The following CHODL variants were observed in gnomAD, a reference collection of about 807,000 sequenced individuals.
CHODL encodes the protein chondrolectin.
CHODL carries 29 observed loss-of-function variants against 34.5 expected under a neutral mutation model. The observed-to-expected ratio is 0.84, with a 90% confidence interval of 0.63 to 1.15. CHODL has a LOEUF of 1.15. Among genes scored for constraint, CHODL ranks in the 50% most tolerant of loss-of-function variants. CHODL has a pLI of 0.00. For synonymous variants in CHODL, 125 were observed against 116.1 expected (o/e 1.08, Z -0.49); for missense variants, 332 against 332.5 (o/e 1.00, Z 0.01).
chr21:18,013,771 A>G (rs1330443478), intron 1 of CHODL, among the ~76,000 whole-genome samples: 1 of 150,954 alleles, frequency 6.6e-6, no homozygotes, highest in Non-Finnish European at 1.5e-5. Context: ...AGTAGCTGGG[A>G]CTACAGGCGT....
At chr21:18,003,306 C>T (rs936981671) in intron 1 of CHODL, among the ~76,000 whole-genome samples, 4 of 151,312 alleles carry the variant, frequency 2.6e-5, no homozygotes, top group African/African-American at 4.8e-5. Flanking sequence ...TAGTAAAAAA[C>T]CTTTTCACTT....
chr21:17,950,536 T>C (rs201214707), intron 1 of CHODL, among the ~76,000 whole-genome samples: 11 of 35,718 alleles, frequency 3.1e-4, no homozygotes, highest in East Asian at 8.4e-4. Flanking sequence ...ACACACACAC[T>C]TCTTTAAAGC....
intron 2 of CHODL, chr21:18,114,735 A>G (rs2065392108): frequency 6.6e-6 from 1 of 152,246 alleles, no homozygotes. Context: ...CACGGCCGGC[A>G]TAAAAAACTT....
At chr21:17,920,924 A>G (rs1305901510) in intron 1 of CHODL, among the ~76,000 whole-genome samples, 6 of 152,182 alleles carry the variant, frequency 3.9e-5, no homozygotes, top group Non-Finnish European at 5.9e-5. Flanking sequence ...CCTATTTTAG[A>G]AAGTTTTGCT....
At chr21:18,074,754 G>A (rs1481608420) in intron 2 of CHODL, among the ~76,000 whole-genome samples, 1 of 152,120 alleles carries the variant, frequency 6.6e-6, no homozygotes, top group East Asian at 1.9e-4. Context: ...GGAAAGACTA[G>A]AATATGGAAG....
At chr21:18,231,840 C>T (rs937675673) in intron 2 of CHODL, among the ~76,000 whole-genome samples, 2 of 151,200 alleles carry the variant, frequency 1.3e-5, no homozygotes, top group East Asian at 2.0e-4. Flanking sequence ...TCCCAAGCCA[C>T]GGCACAGTAA....
At chr21:17,944,054 T>C (rs1350723183) in intron 1 of CHODL, among the ~76,000 whole-genome samples, 1 of 151,956 alleles carries the variant, frequency 6.6e-6, no homozygotes, top group African/African-American at 2.4e-5. Context: ...AGAAGGATGA[T>C]GGAAATCATA....
rs1177005708 is a variant in CHODL, at chr21:18,171,198, G to GTTTTTTTTTTTT, written c.-44-85303_-44-85292dup. 7.3e-4 allele frequency among the ~76,000 whole-genome samples: 27 copies of GTTTTTTTTTTTT among 37,050 alleles called. 11 individuals carry two copies. The highest frequency in any genetic ancestry group is 7.1e-4 in the Non-Finnish European group (18 of 25,222). 24.3% of individuals were successfully genotyped at this position (37,050 alleles called of 152,430 possible). On this transcript the variant is annotated intron_variant, in intron 2 of 6. Coordinates refer to the CHODL transcript ENST00000400127. The stretch of plus-strand genomic sequence containing the variant: ...TGTTCTTCAGACATGGTTTTCTTTA[G>GTTTTTTTTTTTT]TTTTTTTTTTTTTTTTTTTGAGACG...
At chr21:17,932,566 T>C (rs1424970532) in intron 1 of CHODL, among the ~76,000 whole-genome samples, 1 of 151,006 alleles carries the variant, frequency 6.6e-6, no homozygotes, top group African/African-American at 2.4e-5. Flanking sequence ...TAAGTGTCCA[T>C]CAATGAATGA....
chr21:18,149,313 C>T lies in CHODL; in HGVS notation c.-44-107196C>T, dbSNP rs1003573646. ...CACACACACACTCCTGATGCCTAAT[C>T]GCTGTTTCTCCATGAGATGAAAGCG... On this transcript the variant is annotated intron_variant, in intron 2 of 6. Transcript: ENST00000400127. Among the ~76,000 whole-genome samples, 9 of 152,174 alleles carry T rather than the reference C, an allele frequency of 5.9e-5. 1 individual carries two copies. The highest frequency in any genetic ancestry group is 4.1e-4 in the South Asian group (2 of 4,834).
chr21:18,261,874 G>A (rs572058913), intron 4 of CHODL, among the ~76,000 whole-genome samples: 11 of 151,896 alleles, frequency 7.2e-5, no homozygotes, highest in African/African-American at 2.4e-4. Flanking sequence ...TCTTTGTGCC[G>A]CTGGAGTCTC....
intron 1 of CHODL, among the ~76,000 whole-genome samples, chr21:17,992,167 T>C (rs2063802408): frequency 6.6e-6 from 1 of 152,328 alleles, no homozygotes. Flanking sequence ...TTCTCTATTA[T>C]TTTCCATTGG....
chr21:18,228,085 A>T (rs1406663129), intron 2 of CHODL, among the ~76,000 whole-genome samples: 1 of 152,154 alleles, frequency 6.6e-6, no homozygotes, highest in Admixed American at 6.6e-5. Flanking sequence ...ACTGTTTTTA[A>T]AAACTATTGA....
intron 5 of CHODL, among the ~76,000 whole-genome samples, chr21:18,265,257 A>ATG (rs1376310211): frequency 7.4e-6 from 1 of 136,052 alleles, no homozygotes; most frequent in Non-Finnish European, 1.5e-5. Flanking sequence ...GTGTATATAT[A>ATG]TGTGTATATA....
At chr21:18,245,342 A>T in intron 1 of CHODL, 40 bp downstream of exon 1, 1 of 1,465,562 alleles carries the variant, frequency 6.8e-7, no homozygotes, top group Non-Finnish European at 9.0e-7. Context: ...GAGCGGGGAG[A>T]GGGGACCACG....
chr21:18,016,481 TG>T (rs1292200423), intron 1 of CHODL, among the ~76,000 whole-genome samples: 6 of 152,198 alleles, frequency 3.9e-5, no homozygotes, highest in African/African-American at 1.4e-4. Flanking sequence ...AATGGTTTCA[TG>T]GGCCAGGACC....
intron 2 of CHODL, among the ~76,000 whole-genome samples, chr21:18,092,489 G>C (rs1490871619): frequency 6.6e-6 from 1 of 152,114 alleles, no homozygotes. Context: ...TCTAAATAAG[G>C]CACCAGGGAC....
In CHODL at chr21:18,234,230, T is replaced by C. The variant is rs147684150; in HGVS notation, c.-44-22279T>C. 5.5e-3 allele frequency among the ~76,000 whole-genome samples: 843 copies of C among 152,202 alleles called. 6 individuals are homozygous for C. Among genetic ancestry groups the C allele is most frequent in the African/African-American group, 0.019 (801 of 41,532 alleles). On this transcript the variant is annotated intron_variant, in intron 2 of 6. Transcript: ENST00000400127. Reference sequence around the variant, plus strand: ...GAGTCCCCTCTGTGAGCGGAAGTGATGTTTGCCGGATGAATGTAGCCTATT... The same window carrying C: ...GAGTCCCCTCTGTGAGCGGAAGTGACGTTTGCCGGATGAATGTAGCCTATT...
At chr21:18,221,530 G>T (rs1295145037) in intron 2 of CHODL, among the ~76,000 whole-genome samples, 1 of 152,104 alleles carries the variant, frequency 6.6e-6, no homozygotes, top group Non-Finnish European at 1.5e-5. Context: ...TTATGGAGTG[G>T]GTTCTGTAGA....
Sources: allele counts gnomAD v4.1 joint callset (sites outside exome capture counted in the v4.1 genomes callset), GRCh38; gene constraint gnomAD v4.1.1; transcripts MANE v1.5; gene names NCBI Gene and HGNC (gene_info 2026-07-23, HGNC 2026-07-21).